The following CDH6 variants were observed in gnomAD, a reference collection of about 807,000 sequenced individuals.
CDH6 encodes cadherin 6, also known as cadherin-6.
Under a neutral mutation model 78.0 loss-of-function variants are expected in CDH6, and 31 were observed. The ratio of observed to expected loss-of-function variants is 0.40; its 90% CI spans 0.30 to 0.54. The LOEUF (loss-of-function observed/expected upper bound fraction) is 0.54. Ranked by LOEUF, CDH6 falls within the 20% of genes least tolerant of loss-of-function variation. CDH6 has a pLI of 0.56. For synonymous variants in CDH6, 376 were observed against 368.8 expected, an observed-to-expected ratio of 1.02 and a Z score of -0.23; for missense variants, 724 against 975.9, an observed-to-expected ratio of 0.74 and a Z score of 3.44.
chr5:31,239,421 G>A (rs140466754), intron 1 of CDH6, among the ~76,000 whole-genome samples: 1 of 152,198 alleles, frequency 6.6e-6, no homozygotes, highest in African/African-American at 2.4e-5. Context: ...TACCAAATCC[G>A]TATTTCTTAT....
chr5:31,235,854 T>C (rs944421683), intron 1 of CDH6, among the ~76,000 whole-genome samples: 1 of 152,204 alleles, frequency 6.6e-6, no homozygotes, highest in African/African-American at 2.4e-5. Context: ...TATAAAATAA[T>C]TGTTTTACAA....
intron 1 of CDH6, among the ~76,000 whole-genome samples, chr5:31,194,890 G>T (rs1740121745): frequency 6.6e-6 from 1 of 152,100 alleles, no homozygotes; most frequent in Admixed American, 6.5e-5. Context: ...CTCGAGATGG[G>T]AGATGCTGGA....
intron 7 of CDH6, among the ~76,000 whole-genome samples, chr5:31,309,012 A>T (rs1039859156): frequency 1.3e-5 from 2 of 152,118 alleles, no homozygotes; most frequent in Admixed American, 1.3e-4. Context: ...AATATTTATC[A>T]TTCTCAAATT....
At position 31,248,301 on chromosome 5, in the gene CDH6, C is replaced by A. The variant is rs1741816278; in HGVS notation, c.-128-19045C>A. Among the ~76,000 whole-genome samples the A allele has an allele frequency of 2.0e-5, 3 of 152,174 alleles. No individual in the cohort carries two copies. The South Asian group carries it at 6.2e-4, about 31-fold the overall frequency. ...AAAGCTGGTAATGACTTGGGGGAAG[C>A]AAAACCACCTCTCTGTCCTTTTTCC... On this transcript the variant is annotated intron_variant, in intron 1 of 11. Transcript: ENST00000265071.
intron 1 of CDH6, among the ~76,000 whole-genome samples, chr5:31,210,950 G>A (rs887314018): frequency 9.9e-5 from 15 of 152,100 alleles, no homozygotes; most frequent in African/African-American, 3.4e-4. Flanking sequence ...TAGCTTTAGA[G>A]GTAATAGATA....
intron 1 of CDH6, among the ~76,000 whole-genome samples, chr5:31,245,490 A>G (rs1249039396): frequency 1.3e-5 from 2 of 151,988 alleles, no homozygotes; most frequent in Non-Finnish European, 2.9e-5. Flanking sequence ...ATGAAATGTT[A>G]AAAGCCCTTT....
At chr5:31,202,297 T>C (rs529046633) in intron 1 of CDH6, among the ~76,000 whole-genome samples, 1 of 152,286 alleles carries the variant, frequency 6.6e-6, no homozygotes, top group South Asian at 2.1e-4. Context: ...TTTTGCAGAA[T>C]TAAAAAAGAA....
chr5:31,321,705 A>G (rs639386), intron 11 of CDH6, among the ~76,000 whole-genome samples: 2,202 of 152,268 alleles, frequency 0.014, 53 homozygotes, highest in African/African-American at 0.05. Context: ...AAAAGGCATT[A>G]TTCTGTAATT....
At chr5:31,212,522 T>C (rs1289766280) in intron 1 of CDH6, among the ~76,000 whole-genome samples, 3 of 152,160 alleles carry the variant, frequency 2.0e-5, no homozygotes, top group Non-Finnish European at 2.9e-5. Context: ...TTCAGCACCA[T>C]TCCCTAGAAA....
rs1247282677 is a variant in CDH6 at position 31,326,973 on chromosome 5, C to T, written c.*3665C>T. 2 of 167,578 alleles carry T rather than the reference C, an allele frequency of 1.2e-5. No homozygotes were observed. Among genetic ancestry groups the T allele is most frequent in the East Asian group, 1.2e-4 (1 of 8,424 alleles). The allele number at this position is 167,578 out of a possible 1,614,324, so 10.4% of individuals were successfully genotyped here. On this transcript the variant is annotated 3_prime_UTR_variant, in exon 12 of 12. Transcript: ENST00000265071. ...CCTCCCAAAGTGCTGGGATTACAGG[C>T]GTGAGCCACCGCGCCCGGCCTTAAA...
At position 31,326,250 on chromosome 5, in the gene CDH6, G is replaced by A. The variant is rs1190511192; in HGVS notation, c.*2942G>A. 4.5e-6 allele frequency: 1 copy of A among 221,226 alleles called. No individual in the cohort carries two copies. The highest frequency in any genetic ancestry group is 2.2e-5 in the African/African-American group (1 of 44,670). 13.7% of individuals were successfully genotyped at this position (221,226 alleles called of 1,614,324 possible). On this transcript the variant is annotated 3_prime_UTR_variant, in exon 12 of 12. Transcript: ENST00000265071. ...TTGTGGGTTGTTTCAAGGACATTGAGAGCTTTCTGATGATATGTTTTTGCC... is the reference window on the plus strand; with the variant it reads ...TTGTGGGTTGTTTCAAGGACATTGAAAGCTTTCTGATGATATGTTTTTGCC...
intron 1 of CDH6, among the ~76,000 whole-genome samples, chr5:31,206,761 C>T (rs539511903): frequency 6.6e-6 from 1 of 152,188 alleles, no homozygotes; most frequent in African/African-American, 2.4e-5. Context: ...GTTTTCTATT[C>T]GCCCATACTT....
intron 1 of CDH6, among the ~76,000 whole-genome samples, chr5:31,256,003 T>C (rs1742044201): frequency 6.6e-6 from 1 of 152,194 alleles, no homozygotes. Flanking sequence ...AACAGGCAAG[T>C]ATCTGAAGAA....
At chr5:31,225,919 G>C (rs1741139840) in intron 1 of CDH6, among the ~76,000 whole-genome samples, 1 of 152,148 alleles carries the variant, frequency 6.6e-6, no homozygotes. Flanking sequence ...TGCGTAGCTG[G>C]TAAGTAAATG....
chr5:31,305,498 T>C, intron 7 of CDH6, 71 bp downstream of exon 7: 1 of 1,475,840 alleles, frequency 6.8e-7, no homozygotes, highest in African/African-American at 1.4e-5. Flanking sequence ...CTGCCTGCAC[T>C]TGAGAAAAGA....
At position 31,317,896 on chromosome 5, in the gene CDH6, C is replaced by T. The variant is rs913734717; in HGVS notation, c.1854C>T (p.Ala618=). Residue 618 remains alanine (A), a synonymous_variant, in exon 11 of 12, where the codon GCC becomes GCT. Transcript: ENST00000265071. ...GACTGAGCACGGGGGCTCTGGTTGC[C>T]ATCCTTCTGTGCATCGTGATCCTAC... ...PTGLSTGALV[A]ILLCIVILLV... The T allele has an allele frequency of 2.5e-6, 4 of 1,613,848 alleles. No individual in the cohort carries two copies. Among genetic ancestry groups the T allele is most frequent in the African/African-American group, 1.3e-5 (1 of 75,056 alleles).
At chr5:31,277,718 C>T (rs1466143913) in intron 2 of CDH6, among the ~76,000 whole-genome samples, 1 of 152,204 alleles carries the variant, frequency 6.6e-6, no homozygotes, top group African/African-American at 2.4e-5. Context: ...CCCTAGCCTA[C>T]ATGTCTTACT....
chr5:31,255,937 TC>T (rs1388580694), intron 1 of CDH6, among the ~76,000 whole-genome samples: 1 of 152,226 alleles, frequency 6.6e-6, no homozygotes, highest in Non-Finnish European at 1.5e-5. Flanking sequence ...GGGTTACACC[TC>T]TGTAAATACT....
chr5:31,203,218 TGTTTCAGGCAG>T (rs1579808718), intron 1 of CDH6, among the ~76,000 whole-genome samples: 1 of 148,230 alleles, frequency 6.7e-6, no homozygotes, highest in East Asian at 2.0e-4. Context: ...GAGAGAGAGA[TGTTTCAGGCAG>T]GTCCTTTTTT....
Sources: allele counts gnomAD v4.1 joint callset (sites outside exome capture counted in the v4.1 genomes callset), GRCh38; gene constraint gnomAD v4.1.1; transcripts MANE v1.5; gene names NCBI Gene and HGNC (gene_info 2026-07-23, HGNC 2026-07-21).